SCAF8: variants seen among roughly 807,000 people sequenced by gnomAD.
SCAF8 encodes SR-related and CTD-associated factor 8.
In SCAF8, 23 loss-of-function variants were observed where a neutral mutation model predicts 140.5. The ratio of observed to expected loss-of-function variants is 0.16; its 90% CI spans 0.12 to 0.23. The LOEUF (loss-of-function observed/expected upper bound fraction) is 0.23. Ranked by LOEUF, SCAF8 falls within the 10% of genes least tolerant of loss-of-function variation. The pLI, the probability that SCAF8 is intolerant of heterozygous loss-of-function variation, is 1.00. For missense variants in SCAF8, 1,397 were observed against 1,555.7 expected (o/e 0.90, Z 1.72); for synonymous variants, 575 against 528.9 (o/e 1.09, Z -1.20).
chr6:154,833,530 C>T lies in SCAF8; in HGVS notation c.*135C>T, dbSNP rs1321940341. ...ATCTGATGTTCATGTTCACCTTTCTCTTAAAATAATTGTACAACTGACTTG... is the reference window on the plus strand; with the variant it reads ...ATCTGATGTTCATGTTCACCTTTCTTTTAAAATAATTGTACAACTGACTTG... On this transcript the variant is annotated 3_prime_UTR_variant, in exon 20 of 20. Transcript: ENST00000367178. 7.3e-6 allele frequency: 6 copies of T among 819,486 alleles called. No individual in the cohort carries two copies. Among genetic ancestry groups the T allele is most frequent in the Non-Finnish European group, 1.1e-5 (6 of 528,848 alleles). The allele number at this position is 819,486 out of a possible 1,614,324, so 50.8% of individuals were successfully genotyped here.
intron 2 of SCAF8, among the ~76,000 whole-genome samples, chr6:154,775,740 TAAAGTTTTTTTA>T: frequency 6.6e-6 from 1 of 151,990 alleles, no homozygotes; most frequent in Non-Finnish European, 1.5e-5. Context: ...TCTTGGCTCT[TAAAGTTTTTTTA>T]AAAAAAGAAG....
chr6:154,778,068 A>C, intron 3 of SCAF8, 23 bp downstream of exon 3: 1 of 1,374,922 alleles, frequency 7.3e-7, no homozygotes, highest in Non-Finnish European at 1.0e-6. Context: ...TTTTCCATAC[A>C]TGTGCTGTAA....
chr6:154,829,906 A>G (rs1383071394), intron 18 of SCAF8, among the ~76,000 whole-genome samples: 2 of 152,080 alleles, frequency 1.3e-5, no homozygotes, highest in African/African-American at 4.8e-5. Context: ...AGACTGTCTC[A>G]AAAAAAAGAT....
intron 12 of SCAF8, among the ~76,000 whole-genome samples, chr6:154,814,095 T>C (rs1235738146): frequency 6.6e-6 from 1 of 152,248 alleles, no homozygotes; most frequent in East Asian, 1.9e-4. Context: ...TCCAGCACTT[T>C]GAAATTACTT....
At chr6:154,797,436 C>T (rs566942158) in intron 6 of SCAF8, among the ~76,000 whole-genome samples, 1 of 151,394 alleles carries the variant, frequency 6.6e-6, no homozygotes, top group South Asian at 2.1e-4. Context: ...CGCTGTGTCA[C>T]CCAGGCTGTA....
chr6:154,806,910 G>A (rs1287032091), intron 9 of SCAF8, among the ~76,000 whole-genome samples: 1 of 152,164 alleles, frequency 6.6e-6, no homozygotes, highest in Non-Finnish European at 1.5e-5. Context: ...AAACAAAGTT[G>A]TAACTCAAAA....
chr6:154,790,502 T>C (rs1438421859), intron 4 of SCAF8, among the ~76,000 whole-genome samples: 6 of 49,778 alleles, frequency 1.2e-4, no homozygotes, highest in Admixed American at 4.0e-4. Flanking sequence ...TTTTTTTTTT[T>C]TTTTTTTTTT....
chr6:154,795,245 A>G, intron 6 of SCAF8, 106 bp downstream of exon 6: 1 of 950,128 alleles, frequency 1.1e-6, no homozygotes, highest in Non-Finnish European at 1.5e-6. Flanking sequence ...TTTTAGTTTT[A>G]TAAAAATGGG....
At chr6:154,800,694 A>G (rs1317396414) in intron 6 of SCAF8, among the ~76,000 whole-genome samples, 1 of 151,464 alleles carries the variant, frequency 6.6e-6, no homozygotes, top group Non-Finnish European at 1.5e-5. Flanking sequence ...TTCTGAAAAT[A>G]CAATAGAAAA....
At chr6:154,787,523 T>G (rs1215937726) in intron 3 of SCAF8, among the ~76,000 whole-genome samples, 5 of 152,246 alleles carry the variant, frequency 3.3e-5, no homozygotes, top group African/African-American at 4.8e-5. Context: ...GCTAGAGCCC[T>G]TCTTTCCTGA....
chr6:154,800,037 C>T (rs1432018749), intron 6 of SCAF8, among the ~76,000 whole-genome samples: 5 of 151,188 alleles, frequency 3.3e-5, no homozygotes, highest in South Asian at 2.1e-4. Flanking sequence ...CCGCCCGCCT[C>T]GGCCTTCCAA....
chr6:154,743,747 T>C (rs933934813), intron 1 of SCAF8, among the ~76,000 whole-genome samples: 3 of 152,220 alleles, frequency 2.0e-5, no homozygotes, highest in Admixed American at 1.3e-4. Flanking sequence ...TAAAGTTTTA[T>C]GGTTAAGAAA....
At chr6:154,816,535 G>C (rs367806283) in intron 13 of SCAF8, among the ~76,000 whole-genome samples, 8 of 152,150 alleles carry the variant, frequency 5.3e-5, no homozygotes, top group African/African-American at 1.9e-4. Context: ...CTCCTGCTGT[G>C]TGGTGAAATG....
chr6:154,805,256 G>T (rs1777879705), intron 8 of SCAF8, 113 bp from the exon 9 acceptor site: 4 of 584,050 alleles, frequency 6.8e-6, no homozygotes, highest in South Asian at 2.7e-5. Flanking sequence ...AAGAAAACAT[G>T]CAGTAGAATA....
intron 1 of SCAF8, among the ~76,000 whole-genome samples, chr6:154,773,079 A>G (rs1430947214): frequency 6.6e-6 from 1 of 152,158 alleles, no homozygotes; most frequent in South Asian, 2.1e-4. Context: ...GATTTTTAAA[A>G]AAGTTTTATT....
intron 15 of SCAF8, among the ~76,000 whole-genome samples, chr6:154,821,620 A>T (rs978523190): frequency 1.3e-5 from 2 of 152,194 alleles, no homozygotes; most frequent in Non-Finnish European, 2.9e-5. Flanking sequence ...GATATTCGAA[A>T]GGGTAAGGCA....
chr6:154,827,503 G>T lies in SCAF8; in HGVS notation c.2140+263G>T, dbSNP rs918908430. On this transcript the variant is annotated intron_variant, in intron 18 of 19. Transcript: ENST00000367178. ...ATTTGTGTGTTTTTTGTTTTGCTAT[G>T]TGTATTAAATGTCTTAATGTTAGTG... Among the ~76,000 whole-genome samples, 7 of 152,122 alleles carry T rather than the reference G, an allele frequency of 4.6e-5. No homozygotes were observed. The East Asian group carries it at 1.3e-3, about 29-fold the overall frequency.
At chr6:154,794,783 GTGTGT>G (rs1438166564) in intron 5 of SCAF8, among the ~76,000 whole-genome samples, 8 of 13,962 alleles carry the variant, frequency 5.7e-4, no homozygotes, top group South Asian at 4.0e-3. Context: ...TGTGGGGGGT[GTGTGT>G]GTGTGTGTGT....
At chr6:154,776,928 TC>T (rs1402904178) in intron 2 of SCAF8, among the ~76,000 whole-genome samples, 2 of 152,146 alleles carry the variant, frequency 1.3e-5, no homozygotes, top group Non-Finnish European at 2.9e-5. Flanking sequence ...CGCCTATACT[TC>T]CAGCACTTTG....
Sources: allele counts gnomAD v4.1 joint callset (sites outside exome capture counted in the v4.1 genomes callset), GRCh38; gene constraint gnomAD v4.1.1; transcripts MANE v1.5; gene names NCBI Gene and HGNC (gene_info 2026-07-23, HGNC 2026-07-21).